The following TMTC1 variants were observed in gnomAD, a reference collection of about 807,000 sequenced individuals.
TMTC1 encodes the protein transmembrane O-mannosyltransferase targeting cadherins 1.
TMTC1 carries 73 observed loss-of-function variants against 104.8 expected under a neutral mutation model. The ratio of observed to expected loss-of-function variants is 0.70; its 90% CI spans 0.58 to 0.85. The LOEUF (loss-of-function observed/expected upper bound fraction) is 0.85, where lower values mean the gene tolerates loss of function less well. Among genes scored for constraint, TMTC1 ranks in the 40% least tolerant of loss-of-function variants. The pLI is 0.00. For synonymous variants in TMTC1, 434 were observed against 428.7 expected (o/e 1.01, Z -0.15); for missense variants, 1,035 against 1,096.1 (o/e 0.94, Z 0.79).
chr12:29,747,873 T>A (rs1057049508), intron 5 of TMTC1, among the ~76,000 whole-genome samples: 1 of 152,138 alleles, frequency 6.6e-6, no homozygotes, highest in Non-Finnish European at 1.5e-5. Context: ...AGAGATCAAA[T>A]AACTCGTCTG....
intron 7 of TMTC1, among the ~76,000 whole-genome samples, chr12:29,600,112 C>T (rs1345056030): frequency 7.1e-6 from 1 of 141,562 alleles, no homozygotes; most frequent in African/African-American, 2.7e-5. Flanking sequence ...AGATATGATT[C>T]CTGGGTTAAA....
intron 1 of TMTC1, among the ~76,000 whole-genome samples, chr12:29,768,753 T>A (rs1189311826): frequency 6.6e-6 from 1 of 152,180 alleles, no homozygotes; most frequent in Non-Finnish European, 1.5e-5. Flanking sequence ...TCTCAGTACC[T>A]GATTTCTAAG....
intron 5 of TMTC1, among the ~76,000 whole-genome samples, chr12:29,669,958 C>T (rs1056401827): frequency 4.6e-5 from 7 of 152,132 alleles, no homozygotes; most frequent in Non-Finnish European, 8.8e-5. Context: ...TCCTGATGGC[C>T]AATTCAATGC....
chr12:29,661,416 G>C, intron 5 of TMTC1: 4 of 341,610 alleles, frequency 1.2e-5, no homozygotes, highest in Non-Finnish European at 1.6e-5. Flanking sequence ...AGGAGGTTAA[G>C]TAATTTTTTT....
chr12:29,739,274 C>T (rs1211023350), intron 5 of TMTC1, among the ~76,000 whole-genome samples: 1 of 152,024 alleles, frequency 6.6e-6, no homozygotes, highest in African/African-American at 2.4e-5. Context: ...GCTGCTTGCT[C>T]ATAGTTGCAC....
At chr12:29,774,652 G>C (rs1359862472) in intron 1 of TMTC1, among the ~76,000 whole-genome samples, 1 of 152,036 alleles carries the variant, frequency 6.6e-6, no homozygotes, top group African/African-American at 2.4e-5. Context: ...GCTTATAAGA[G>C]GTTTCCATAG....
chr12:29,690,458 T>C (rs10843490), intron 5 of TMTC1, among the ~76,000 whole-genome samples: 30,884 of 152,176 alleles, frequency 0.2, 3,478 homozygotes, highest in East Asian at 0.3. Flanking sequence ...GATCAGTTTT[T>C]TTGTTTGGTT....
intron 7 of TMTC1, among the ~76,000 whole-genome samples, chr12:29,588,156 G>C (rs1364530285): frequency 4.6e-5 from 7 of 152,138 alleles, no homozygotes; most frequent in African/African-American, 1.7e-4. Flanking sequence ...GAGCTAAGGA[G>C]ACCCATGTTC....
At chr12:29,701,874 A>T (rs1941604709) in intron 5 of TMTC1, among the ~76,000 whole-genome samples, 1 of 152,224 alleles carries the variant, frequency 6.6e-6, no homozygotes, top group South Asian at 2.1e-4. Context: ...AGGCATTTAA[A>T]CAAAAATAAG....
chr12:29,575,846 A>G (rs1945807274), intron 8 of TMTC1, among the ~76,000 whole-genome samples: 1 of 152,172 alleles, frequency 6.6e-6, no homozygotes, highest in African/African-American at 2.4e-5. Flanking sequence ...GGCTGGACCA[A>G]CATACATTCC....
chr12:29,643,097 C>T (rs555540251), intron 5 of TMTC1, among the ~76,000 whole-genome samples: 8 of 151,988 alleles, frequency 5.3e-5, no homozygotes, highest in Admixed American at 2.6e-4. Context: ...AATGTGATAC[C>T]GCCTTACTCC....
At chr12:29,603,126 C>A (rs151317961) in intron 7 of TMTC1, among the ~76,000 whole-genome samples, 32 of 152,078 alleles carry the variant, frequency 2.1e-4, no homozygotes, top group African/African-American at 7.5e-4. Context: ...GCACTCATCT[C>A]CTTCCCAAAT....
chr12:29,545,898 C>T (rs920011423), intron 10 of TMTC1, among the ~76,000 whole-genome samples: 7 of 152,072 alleles, frequency 4.6e-5, no homozygotes, highest in Admixed American at 6.6e-5. Context: ...AGGACTTACA[C>T]GCATTATTGT....
At chr12:29,541,614 A>C (rs1944798425) in intron 10 of TMTC1, among the ~76,000 whole-genome samples, 1 of 147,122 alleles carries the variant, frequency 6.8e-6, no homozygotes. Flanking sequence ...CATCAGAGAA[A>C]TTTTTCTTTG....
At chr12:29,728,686 A>C (rs1005366405) in intron 5 of TMTC1, among the ~76,000 whole-genome samples, 5 of 152,068 alleles carry the variant, frequency 3.3e-5, no homozygotes, top group African/African-American at 4.8e-5. Flanking sequence ...GAAAATTCCC[A>C]AAAACGTGAA....
At chr12:29,540,120 CA>C (rs1944755962) in intron 10 of TMTC1, among the ~76,000 whole-genome samples, 1 of 152,088 alleles carries the variant, frequency 6.6e-6, no homozygotes, top group Non-Finnish European at 1.5e-5. Flanking sequence ...CCCATTCTGA[CA>C]TCTATATTTT....
intron 7 of TMTC1, among the ~76,000 whole-genome samples, chr12:29,585,678 G>C (rs189773477): frequency 0.024 from 3,637 of 152,220 alleles, 115 homozygotes; most frequent in African/African-American, 0.066. Flanking sequence ...AGTTTTCCCA[G>C]CACCATTTAT....
intron 5 of TMTC1, among the ~76,000 whole-genome samples, chr12:29,689,903 A>G (rs1003898095): frequency 8.5e-5 from 13 of 152,172 alleles, no homozygotes; most frequent in African/African-American, 2.4e-4. Context: ...CTCTTGCATT[A>G]TAACAACTGT....
At chr12:29,678,988 G>T (rs1940822813) in intron 5 of TMTC1, among the ~76,000 whole-genome samples, 1 of 152,094 alleles carries the variant, frequency 6.6e-6, no homozygotes, top group Non-Finnish European at 1.5e-5. Flanking sequence ...AATCCGAAAT[G>T]CACAGAAAGA....
Sources: gnomAD v4.1 joint callset for allele counts (sites outside exome capture counted in the v4.1 genomes callset) on GRCh38, gnomAD v4.1.1 for gene constraint, MANE v1.5 for transcripts, NCBI Gene and HGNC (gene_info 2026-07-23, HGNC 2026-07-21) for gene names.